The following DNAH8 variants were observed in gnomAD, a reference collection of about 807,000 sequenced individuals.
DNAH8 encodes axonemal beta dynein heavy chain 8.
Under a neutral mutation model 562.1 loss-of-function variants are expected in DNAH8, and 382 were observed. The ratio of observed to expected loss-of-function variants is 0.68; its 90% CI spans 0.63 to 0.74. The LOEUF (loss-of-function observed/expected upper bound fraction) is 0.74, where lower values mean the gene tolerates loss of function less well. Ranked by LOEUF, DNAH8 falls within the 30% of genes least tolerant of loss-of-function variation. The pLI, the probability that DNAH8 is intolerant of heterozygous loss-of-function variation, is 0.00. For missense variants in DNAH8, 5,203 were observed against 5,620.4 expected (o/e 0.93, Z 2.37); for synonymous variants, 1,881 against 1,919.4 (o/e 0.98, Z 0.52).
At chr6:39,024,142 T>G (rs1561987062) in intron 91 of DNAH8, among the ~76,000 whole-genome samples, 1 of 152,232 alleles carries the variant, frequency 6.6e-6, no homozygotes, top group Admixed American at 6.5e-5. Context: ...TGACATTGTC[T>G]TGGTCATTGT....
chr6:39,025,186 T>G (rs1470062891), intron 91 of DNAH8, among the ~76,000 whole-genome samples: 2 of 152,164 alleles, frequency 1.3e-5, no homozygotes, highest in African/African-American at 4.8e-5. Context: ...TACCTGGAAT[T>G]GCCCCATCTG....
chr6:39,008,162 A>G (rs1429153140), intron 88 of DNAH8, among the ~76,000 whole-genome samples: 1 of 151,846 alleles, frequency 6.6e-6, no homozygotes, highest in Non-Finnish European at 1.5e-5. Flanking sequence ...TATCTCCTCC[A>G]CTAGAGAACA....
rs1018972245 is a variant in DNAH8 at position 38,900,901 on chromosome 6, G to A, written c.9194+995G>A. ...CAAAATTATAGGCGTGAGCCACCGCGCCTGGCCGATTTTAGCAATTCTGTG... is the reference window on the plus strand; with the variant it reads ...CAAAATTATAGGCGTGAGCCACCGCACCTGGCCGATTTTAGCAATTCTGTG... On this transcript the variant is annotated intron_variant, in intron 62 of 92. Transcript: ENST00000327475. 5.9e-5 allele frequency among the ~76,000 whole-genome samples: 9 copies of A among 152,158 alleles called. No individual in the cohort carries two copies. The East Asian group carries it at 1.7e-3, about 29-fold the overall frequency.
chr6:38,863,367 C>T (rs1193341091), intron 44 of DNAH8, among the ~76,000 whole-genome samples: 2 of 152,042 alleles, frequency 1.3e-5, no homozygotes, highest in African/African-American at 4.8e-5. Context: ...GCGGAGGTTG[C>T]AGTGAGCCGA....
At chr6:38,862,692 C>T (rs201093586) in intron 44 of DNAH8, among the ~76,000 whole-genome samples, 12 of 151,900 alleles carry the variant, frequency 7.9e-5, no homozygotes, top group Middle Eastern at 3.4e-3. Context: ...TGTTAGATTA[C>T]GAAAATGGAA....
intron 62 of DNAH8, 52 bp from the exon 63 acceptor site, chr6:38,906,202 C>A: frequency 1.5e-6 from 2 of 1,298,988 alleles, no homozygotes; most frequent in East Asian, 2.5e-5. Context: ...CCACCGCGCC[C>A]AGCCGACTAT....
chr6:38,896,350 G>C, intron 60 of DNAH8, 125 bp downstream of exon 60: 1 of 736,268 alleles, frequency 1.4e-6, no homozygotes. Flanking sequence ...GAGGTGGGAG[G>C]ATTGCTTGAG....
At chr6:38,915,047 T>A (rs1310494202) in intron 67 of DNAH8, among the ~76,000 whole-genome samples, 154 bp from the exon 68 acceptor site, 4 of 152,202 alleles carry the variant, frequency 2.6e-5, no homozygotes. Flanking sequence ...AGGAATTTAC[T>A]TTAATATACC....
chr6:38,862,101 T>C (rs1776679764), intron 43 of DNAH8, among the ~76,000 whole-genome samples, 179 bp from the exon 44 acceptor site: 1 of 152,218 alleles, frequency 6.6e-6, no homozygotes, highest in Non-Finnish European at 1.5e-5. Flanking sequence ...ATCTTTGGGC[T>C]CACTGTAGTA....
At chr6:38,941,122 A>G (rs112179102) in intron 79 of DNAH8, among the ~76,000 whole-genome samples, 1 of 149,678 alleles carries the variant, frequency 6.7e-6, no homozygotes, top group Non-Finnish European at 1.5e-5. Context: ...CTGTCTCAGA[A>G]AAAAAAAAAA....
At chr6:38,792,909 G>A (rs905712072) in intron 21 of DNAH8, among the ~76,000 whole-genome samples, 1 of 152,030 alleles carries the variant, frequency 6.6e-6, no homozygotes, top group African/African-American at 2.4e-5. Flanking sequence ...CTCCCAAGTA[G>A]CTGAGATTAC....
chr6:38,803,110 C>A, intron 21 of DNAH8, 69 bp from the exon 22 acceptor site: 2 of 1,083,522 alleles, frequency 1.8e-6, no homozygotes, highest in South Asian at 2.3e-5. Flanking sequence ...AAATTAAAGT[C>A]ATAGGACTAA....
chr6:38,828,735 T>C (rs1773580884), intron 30 of DNAH8, among the ~76,000 whole-genome samples: 1 of 152,202 alleles, frequency 6.6e-6, no homozygotes, highest in Non-Finnish European at 1.5e-5. Context: ...TTTATTGAGA[T>C]AGAATACACA....
At chr6:38,974,342 GA>G (rs1316751910) in intron 84 of DNAH8, 31 bp from the exon 85 acceptor site, 5 of 1,539,214 alleles carry the variant, frequency 3.2e-6, no homozygotes, top group Non-Finnish European at 4.4e-6. Context: ...GTAATTTATA[GA>G]AACAAAAGCA....
chr6:38,903,102 G>A (rs1223214465), intron 62 of DNAH8, among the ~76,000 whole-genome samples: 1 of 152,164 alleles, frequency 6.6e-6, no homozygotes, highest in African/African-American at 2.4e-5. Context: ...TAGCTTAGGA[G>A]CAATAGGCCA....
rs1210400256 is a variant in DNAH8 at position 38,853,290 on chromosome 6, T to C, written c.5676T>C (p.Tyr1892=). 9.9e-6 allele frequency: 16 copies of C among 1,613,482 alleles called. No individual in the cohort carries two copies. The highest frequency in any genetic ancestry group is 1.4e-5 in the Non-Finnish European group (16 of 1,179,790). The part of the protein sequence containing the change: ...SLHNIIRSAF[Y]QISDSGFQLL... ...ATAATATAATTAGATCCGCTTTCTA[T>C]CAAATCAGTGATTCAGGATTTCAAC... Residue 1892 remains tyrosine, a synonymous_variant, in exon 41 of 93, where the codon TAT becomes TAC. Transcript: ENST00000327475.
chr6:38,733,234 G>A (rs542883484), intron 4 of DNAH8, among the ~76,000 whole-genome samples: 1 of 97,842 alleles, frequency 1.0e-5, no homozygotes, highest in South Asian at 3.2e-4. Context: ...GGCTATTGCT[G>A]CAAATAGAAG....
chr6:38,991,559 C>G (rs115389151), intron 88 of DNAH8, among the ~76,000 whole-genome samples: 1 of 152,152 alleles, frequency 6.6e-6, no homozygotes, highest in Non-Finnish European at 1.5e-5. Flanking sequence ...CCAAGGTTCC[C>G]GTGACACTCT....
rs960009858 is a variant in DNAH8, at chr6:38,728,891, C to T, written c.526-1011C>T. Among the ~76,000 whole-genome samples the T allele has an allele frequency of 7.2e-5, 11 of 152,110 alleles. No homozygotes were observed. In the East Asian group the frequency reaches 9.6e-4, roughly 13 times the overall value. On this transcript the variant is annotated intron_variant, in intron 3 of 92. Coordinates refer to ENST00000327475, the MANE Select transcript of DNAH8 (RefSeq NM_001206927.2). Reference sequence around the variant, plus strand: ...GGCTTTGCTACACTTGGGATACTTCCGCTAGGCAGTCAGTAAATTAAGAGA... The same window carrying T: ...GGCTTTGCTACACTTGGGATACTTCTGCTAGGCAGTCAGTAAATTAAGAGA...
Sources: allele counts gnomAD v4.1 joint callset (sites outside exome capture counted in the v4.1 genomes callset), GRCh38; gene constraint gnomAD v4.1.1; transcripts MANE v1.5; gene names NCBI Gene and HGNC (gene_info 2026-07-23, HGNC 2026-07-21).